ZNF407: variants seen among roughly 807,000 people sequenced by gnomAD.
ZNF407 encodes zinc finger protein 407.
ZNF407 carries 17 observed loss-of-function variants against 131.2 expected under a neutral mutation model. The ratio of observed to expected loss-of-function variants is 0.13; its 90% CI spans 0.09 to 0.19. ZNF407 has a LOEUF of 0.19. ZNF407 is among the 10% of genes least tolerant of loss of function. The probability of loss-of-function intolerance (pLI) is 1.00; values close to 1 mark genes in which losing one functional copy is unlikely to be tolerated. For missense variants in ZNF407, 2,681 were observed against 2,830.6 expected, an observed-to-expected ratio of 0.95 and a Z score of 1.20; for synonymous variants, 1,156 against 1,062.0, an observed-to-expected ratio of 1.09 and a Z score of -1.72.
chr18:74,822,021 A>C (rs1271006422), intron 4 of ZNF407, among the ~76,000 whole-genome samples: 1 of 152,190 alleles, frequency 6.6e-6, no homozygotes, highest in African/African-American at 2.4e-5. Context: ...TCTAATGACC[A>C]GTGAGGATGA....
At chr18:74,746,259 G>A (rs1001866764) in intron 3 of ZNF407, among the ~76,000 whole-genome samples, 1 of 152,136 alleles carries the variant, frequency 6.6e-6, no homozygotes, top group Non-Finnish European at 1.5e-5. Flanking sequence ...GACCGGGAGT[G>A]GCTCTGGATG....
chr18:74,739,804 A>G (rs567051756), intron 3 of ZNF407, among the ~76,000 whole-genome samples: 40 of 152,286 alleles, frequency 2.6e-4, no homozygotes, highest in African/African-American at 8.9e-4. Context: ...AAATAACCCA[A>G]CTTGTATGAC....
chr18:74,598,911 C>A (rs1488378848), intron 1 of ZNF407, among the ~76,000 whole-genome samples: 1 of 152,196 alleles, frequency 6.6e-6, no homozygotes, highest in South Asian at 2.1e-4. Flanking sequence ...AATAGGACAT[C>A]CCACATCCGT....
chr18:74,731,070 T>C (rs1968283266), intron 3 of ZNF407, among the ~76,000 whole-genome samples: 1 of 152,234 alleles, frequency 6.6e-6, no homozygotes, highest in African/African-American at 2.4e-5. Context: ...GTTATTTTAC[T>C]ACCTCTTTAG....
At chr18:74,859,294 G>A (rs1970903910) in intron 4 of ZNF407, among the ~76,000 whole-genome samples, 1 of 152,142 alleles carries the variant, frequency 6.6e-6, no homozygotes, top group Non-Finnish European at 1.5e-5. Context: ...TTCTATCACA[G>A]TTCATTAATG....
intron 8 of ZNF407, among the ~76,000 whole-genome samples, chr18:75,020,052 T>C (rs1271804520): frequency 1.3e-5 from 2 of 152,180 alleles, no homozygotes; most frequent in African/African-American, 2.4e-5. Context: ...TCAGATTGAC[T>C]GGTAACAGTG....
intron 4 of ZNF407, among the ~76,000 whole-genome samples, chr18:74,827,008 G>A (rs980101): frequency 0.087 from 13,223 of 152,226 alleles, 651 homozygotes; most frequent in South Asian, 0.17. Context: ...CCCTGTCCCA[G>A]TAATCCCTTC....
chr18:75,058,346 G>A (rs947000504), intron 8 of ZNF407, among the ~76,000 whole-genome samples: 1 of 152,206 alleles, frequency 6.6e-6, no homozygotes, highest in Non-Finnish European at 1.5e-5. Context: ...ATTCGGCTCT[G>A]AGAAGGGAGT....
chr18:74,792,719 A>T (rs568839229), intron 4 of ZNF407, among the ~76,000 whole-genome samples: 1 of 152,252 alleles, frequency 6.6e-6, no homozygotes, highest in South Asian at 2.1e-4. Context: ...TTATTTTCAA[A>T]CTAATTTCTT....
At chr18:74,719,504 AT>A (rs1242891618) in intron 3 of ZNF407, among the ~76,000 whole-genome samples, 1 of 152,148 alleles carries the variant, frequency 6.6e-6, no homozygotes, top group Non-Finnish European at 1.5e-5. Flanking sequence ...GGTTCACGCC[AT>A]TCTCCTGCCT....
At chr18:75,022,510 CCT>C (rs1458896060) in intron 8 of ZNF407, among the ~76,000 whole-genome samples, 4 of 152,238 alleles carry the variant, frequency 2.6e-5, no homozygotes, top group African/African-American at 9.6e-5. Flanking sequence ...AATAGCCTAA[CCT>C]CTCTGCACTT....
intron 3 of ZNF407, among the ~76,000 whole-genome samples, chr18:74,746,602 A>G (rs1968673701): frequency 6.6e-6 from 1 of 151,962 alleles, no homozygotes. Context: ...TGTGACACAA[A>G]CACATTAGCT....
In ZNF407 at chr18:75,064,162, G is replaced by T. The variant is rs1480688919; in HGVS notation, c.6441G>T (p.Val2147=). 1.9e-6 allele frequency: 3 copies of T among 1,605,232 alleles called. No homozygotes were observed. Among genetic ancestry groups the T allele is most frequent in the Non-Finnish European group, 2.6e-6 (3 of 1,176,234 alleles). Residue 2147 remains valine (V), a synonymous_variant, in exon 9 of 9, where the codon GTG becomes GTT. Transcript: ENST00000299687. Reference sequence around the variant, plus strand: ...ACGGGGAGATCTCGCAGATCATCGTGACGGAGGAGCTGGTCCAGGCCATGG... The same window carrying T: ...ACGGGGAGATCTCGCAGATCATCGTTACGGAGGAGCTGGTCCAGGCCATGG... The part of the protein sequence containing the change: ...ESDGEISQII[V]TEELVQAMVQ...
At chr18:74,701,075 G>A (rs1408473239) in intron 3 of ZNF407, among the ~76,000 whole-genome samples, 2 of 152,100 alleles carry the variant, frequency 1.3e-5, no homozygotes, top group African/African-American at 4.8e-5. Context: ...CTCCTCCTCC[G>A]CATGCACACT....
At chr18:74,875,511 T>C (rs1373803323) in intron 4 of ZNF407, among the ~76,000 whole-genome samples, 1 of 152,186 alleles carries the variant, frequency 6.6e-6, no homozygotes, top group Non-Finnish European at 1.5e-5. Flanking sequence ...AACCTCCTTA[T>C]TTGTTTCTTG....
At chr18:74,915,849 G>A (rs1971751249) in intron 7 of ZNF407, among the ~76,000 whole-genome samples, 1 of 1,810 alleles carries the variant, frequency 5.5e-4, no homozygotes, top group East Asian at 0.021. Context: ...GAGTGTGTGG[G>A]TGTGTGCATG....
intron 3 of ZNF407, among the ~76,000 whole-genome samples, chr18:74,725,472 A>G (rs113646899): frequency 0.03 from 4,515 of 152,334 alleles, 115 homozygotes; most frequent in Non-Finnish European, 0.043. Context: ...TCATGCAATT[A>G]TAAAAGTAGT....
intron 4 of ZNF407, among the ~76,000 whole-genome samples, chr18:74,865,236 T>A (rs763190415): frequency 3.9e-5 from 6 of 152,220 alleles, no homozygotes; most frequent in Non-Finnish European, 8.8e-5. Flanking sequence ...GTGTAATTTC[T>A]TGGACATCAG....
intron 3 of ZNF407, among the ~76,000 whole-genome samples, chr18:74,710,750 C>A (rs1396400121): frequency 6.6e-6 from 1 of 152,134 alleles, no homozygotes; most frequent in African/African-American, 2.4e-5. Flanking sequence ...TTAGTAATTT[C>A]TTCTTAGTAT....
Sources: gnomAD v4.1 joint callset for allele counts (sites outside exome capture counted in the v4.1 genomes callset) on GRCh38, gnomAD v4.1.1 for gene constraint, MANE v1.5 for transcripts, NCBI Gene and HGNC (gene_info 2026-07-23, HGNC 2026-07-21) for gene names.